DPH6: variants seen among roughly 807,000 people sequenced by gnomAD.
DPH6 encodes diphthamine biosynthesis 6, also known as diphthine--ammonia ligase.
Under a neutral mutation model 38.2 loss-of-function variants are expected in DPH6, and 33 were observed. The observed-to-expected ratio is 0.86, with a 90% CI of 0.65 to 1.15. DPH6 has a LOEUF of 1.15. Ranked by LOEUF, DPH6 falls within the 50% of genes most tolerant of loss-of-function variation. DPH6 has a pLI of 0.00. For missense variants in DPH6, 325 were observed against 320.0 expected, an observed-to-expected ratio of 1.02 and a Z score of -0.12; for synonymous variants, 108 against 103.0, an observed-to-expected ratio of 1.05 and a Z score of -0.30.
intron 6 of DPH6, among the ~76,000 whole-genome samples, chr15:35,404,162 A>C (rs1189872772): frequency 6.6e-6 from 1 of 152,148 alleles, no homozygotes; most frequent in Non-Finnish European, 1.5e-5. Flanking sequence ...AATCTTGGCT[A>C]TTGTGAACAG....
chr15:35,194,561 A>G, the DPH6 span, among the ~76,000 whole-genome samples: 1 of 152,018 alleles, frequency 6.6e-6, no homozygotes, highest in Admixed American at 6.6e-5. Flanking sequence ...ATAATAACCT[A>G]TTTTTCTGGT....
intron 6 of DPH6, among the ~76,000 whole-genome samples, chr15:35,382,665 T>C (rs1034190151): frequency 2.0e-5 from 3 of 152,126 alleles, no homozygotes; most frequent in African/African-American, 4.8e-5. Flanking sequence ...ATATAAGGCC[T>C]TTCCTTAGGC....
chr15:35,454,074 T>C (rs968538184), intron 4 of DPH6, among the ~76,000 whole-genome samples: 1 of 152,070 alleles, frequency 6.6e-6, no homozygotes, highest in Admixed American at 6.5e-5. Flanking sequence ...GTAAATTCAT[T>C]CAGGTGGTGT....
intron 5 of DPH6, among the ~76,000 whole-genome samples, chr15:35,411,974 AG>A (rs2053372558): frequency 6.6e-6 from 1 of 151,752 alleles, no homozygotes; most frequent in Non-Finnish European, 1.5e-5. Context: ...CCTCACCAAA[AG>A]CACGATCCAT....
intron 7 of DPH6, among the ~76,000 whole-genome samples, chr15:35,374,867 C>T (rs898380411): frequency 3.3e-5 from 5 of 152,052 alleles, no homozygotes; most frequent in Admixed American, 6.6e-5. Context: ...CCACCTGTCC[C>T]TCTGGCTTGA....
intron 6 of DPH6, among the ~76,000 whole-genome samples, chr15:35,402,332 G>A (rs1171611547): frequency 6.6e-6 from 1 of 152,144 alleles, no homozygotes; most frequent in South Asian, 2.1e-4. Flanking sequence ...AAGCAAAATC[G>A]TGGAATTATT....
chr15:35,458,122 A>G (rs1409113043), intron 3 of DPH6, among the ~76,000 whole-genome samples: 5 of 152,112 alleles, frequency 3.3e-5, no homozygotes, highest in African/African-American at 1.2e-4. Context: ...TAAAATTTGT[A>G]TTTTTATTTT....
chr15:35,494,957 ATG>A (rs1187258559), intron 3 of DPH6, among the ~76,000 whole-genome samples: 1 of 152,182 alleles, frequency 6.6e-6, no homozygotes, highest in African/African-American at 2.4e-5. Flanking sequence ...TGATGTGATC[ATG>A]TGTGTAGAAA....
At chr15:35,463,461 T>G (rs2054090141) in intron 3 of DPH6, among the ~76,000 whole-genome samples, 1 of 152,146 alleles carries the variant, frequency 6.6e-6, no homozygotes, top group Non-Finnish European at 1.5e-5. Flanking sequence ...AAAAGGATGA[T>G]TCAATGAACT....
chr15:35,372,204 CT>C lies in DPH6; in HGVS notation c.751-2del. On this transcript the variant is annotated splice_acceptor_variant, in intron 8 of 8. Transcript: ENST00000256538. LOFTEE classifies it high-confidence loss of function. Reference sequence around the variant, plus strand: ...TGTAGTTGTCAGGCACTGAGGACACCTAAAAAAAAAAGGGAAGGAAAGGGAA... The same window carrying C: ...TGTAGTTGTCAGGCACTGAGGACACCAAAAAAAAAAGGGAAGGAAAGGGAA... The C allele has an allele frequency of 6.8e-7, 1 of 1,467,628 alleles. No individual in the cohort carries two copies. Among genetic ancestry groups the C allele is most frequent in the South Asian group, 1.5e-5 (1 of 68,534 alleles). The allele number at this position is 1,467,628 out of a possible 1,614,324, so 90.9% of individuals were successfully genotyped here.
At chr15:35,323,722 G>C (rs760482389) in intron 3 of DPH6, among the ~76,000 whole-genome samples, 26 of 152,042 alleles carry the variant, frequency 1.7e-4, no homozygotes, top group Non-Finnish European at 2.9e-4. Context: ...CAGTACAGGG[G>C]AATTCTTTTC....
chr15:35,317,362 G>GAAAGAAAGAAAAGGAAAGAA (rs372740614), intron 3 of DPH6, among the ~76,000 whole-genome samples: 4 of 140,494 alleles, frequency 2.8e-5, no homozygotes, highest in Admixed American at 7.4e-5. Flanking sequence ...AAGAGAGAAA[G>GAAAGAAAGAAAAGGAAAGAA]AAAGAAAGAA....
chr15:35,247,016 T>G (rs1415983086), intron 3 of DPH6, among the ~76,000 whole-genome samples: 1 of 152,180 alleles, frequency 6.6e-6, no homozygotes, highest in African/African-American at 2.4e-5. Flanking sequence ...GTAGAGCAAT[T>G]TTTATGTTAA....
chr15:35,163,075 G>A, the DPH6 span, among the ~76,000 whole-genome samples: 4 of 151,902 alleles, frequency 2.6e-5, no homozygotes, highest in African/African-American at 9.7e-5. Context: ...TGGATCCTCG[G>A]TGAGCAGAAA....
downstream of DPH6, among the ~76,000 whole-genome samples, chr15:35,368,822 G>C (rs1389898604): frequency 6.6e-6 from 1 of 151,764 alleles, no homozygotes; most frequent in East Asian, 1.9e-4. Flanking sequence ...TGTATTGGTA[G>C]CCATGTGCAG....
intron 3 of DPH6, among the ~76,000 whole-genome samples, chr15:35,223,696 G>A (rs571897364): frequency 1.5e-4 from 23 of 151,832 alleles, no homozygotes; most frequent in Non-Finnish European, 1.5e-5. Flanking sequence ...AAAAAAAAAA[G>A]CAATCAAATT....
intron 3 of DPH6, among the ~76,000 whole-genome samples, chr15:35,471,779 C>G (rs999353811): frequency 5.3e-5 from 8 of 151,986 alleles, no homozygotes; most frequent in Non-Finnish European, 8.8e-5. Flanking sequence ...CATTTAAATC[C>G]TTTGTATCTC....
chr15:35,405,296 T>C (rs138770705), intron 6 of DPH6, among the ~76,000 whole-genome samples: 3 of 152,142 alleles, frequency 2.0e-5, no homozygotes, highest in African/African-American at 7.2e-5. Context: ...CAGATTGCTT[T>C]AGGTAGTATG....
chr15:35,182,855 G>C, the DPH6 span, among the ~76,000 whole-genome samples: 1 of 152,168 alleles, frequency 6.6e-6, no homozygotes, highest in African/African-American at 2.4e-5. Context: ...TTTAGAGGCT[G>C]CATATCACTA....
Sources: allele counts gnomAD v4.1 joint callset (sites outside exome capture counted in the v4.1 genomes callset), GRCh38; gene constraint gnomAD v4.1.1; transcripts MANE v1.5; gene names NCBI Gene and HGNC (gene_info 2026-07-23, HGNC 2026-07-21).